ABCB11: variants seen among roughly 807,000 people sequenced by gnomAD.
ABCB11 encodes ATP binding cassette subfamily B member 11.
In ABCB11, 95 loss-of-function variants were observed where a neutral mutation model predicts 148.0. That is an observed-to-expected ratio of 0.64 (90% CI 0.54 to 0.76). The LOEUF (loss-of-function observed/expected upper bound fraction) is 0.76. Ranked by LOEUF, ABCB11 falls within the 30% of genes least tolerant of loss-of-function variation. ABCB11 has a pLI of 0.00. For missense variants in ABCB11, 1,523 were observed against 1,617.8 expected, an observed-to-expected ratio of 0.94 and a Z score of 1.01; for synonymous variants, 591 against 555.4, an observed-to-expected ratio of 1.06 and a Z score of -0.90.
At chr2:168,933,703 A>G (rs1691687229) in intron 23 of ABCB11, among the ~76,000 whole-genome samples, 2 of 152,162 alleles carry the variant, frequency 1.3e-5, no homozygotes, top group South Asian at 4.1e-4. Flanking sequence ...TGACGTTCCA[A>G]TTTTTAAAGT....
intron 19 of ABCB11, among the ~76,000 whole-genome samples, chr2:168,956,069 G>A (rs902288221): frequency 6.6e-6 from 1 of 151,748 alleles, no homozygotes; most frequent in African/African-American, 2.4e-5. Flanking sequence ...GGCTGAGGAG[G>A]TCTCAGGAAA....
chr2:168,990,396 C>T (rs562417582), intron 9 of ABCB11, among the ~76,000 whole-genome samples: 9 of 152,066 alleles, frequency 5.9e-5, no homozygotes, highest in African/African-American at 1.7e-4. Context: ...AATTTGTTGG[C>T]GTTTGTTTTT....
At chr2:168,998,728 C>A (rs1457254339) in intron 5 of ABCB11, among the ~76,000 whole-genome samples, 1 of 152,094 alleles carries the variant, frequency 6.6e-6, no homozygotes, top group Non-Finnish European at 1.5e-5. Context: ...ACTGGCCCAG[C>A]TCTGGGATTT....
intron 11 of ABCB11, among the ~76,000 whole-genome samples, chr2:168,977,952 A>G (rs961817219): frequency 6.6e-6 from 1 of 152,116 alleles, no homozygotes; most frequent in Non-Finnish European, 1.5e-5. Flanking sequence ...GCCAAACCAT[A>G]TCAATCACTT....
chr2:169,005,111 TG>T (rs1478927207), intron 5 of ABCB11, among the ~76,000 whole-genome samples: 1 of 151,926 alleles, frequency 6.6e-6, no homozygotes, highest in Non-Finnish European at 1.5e-5. Context: ...TTTAGTGTGT[TG>T]GTTTTATGTT....
intron 25 of ABCB11, among the ~76,000 whole-genome samples, chr2:168,929,417 C>A (rs991784160): frequency 2.0e-5 from 3 of 151,966 alleles, no homozygotes; most frequent in Admixed American, 2.0e-4. Context: ...AAAAAAGAAA[C>A]CTTTCAGAAA....
chr2:168,964,347 GC>G, intron 17 of ABCB11, 39 bp from the exon 18 acceptor site: 1 of 1,484,662 alleles, frequency 6.7e-7, no homozygotes, highest in Non-Finnish European at 9.2e-7. Flanking sequence ...GTAGACTGTG[GC>G]CAGATTGGAG....
intron 17 of ABCB11, among the ~76,000 whole-genome samples, chr2:168,965,944 G>A (rs1693297277): frequency 2.6e-5 from 4 of 151,824 alleles, no homozygotes; most frequent in Admixed American, 2.0e-4. Flanking sequence ...ACACCATGCA[G>A]TTTCCTCAAG....
chr2:169,016,417 T>C (rs1199040924), intron 3 of ABCB11, among the ~76,000 whole-genome samples: 1 of 152,166 alleles, frequency 6.6e-6, no homozygotes, highest in African/African-American at 2.4e-5. Flanking sequence ...AACAGAAATA[T>C]GCAATAATGA....
At chr2:168,936,623 C>T (rs1454312223) in intron 21 of ABCB11, among the ~76,000 whole-genome samples, 190 bp from the exon 22 acceptor site, 1 of 152,084 alleles carries the variant, frequency 6.6e-6, no homozygotes, top group Admixed American at 6.6e-5. Context: ...CACATCTATA[C>T]CTAAAGCTTT....
rs150182550 is a variant in ABCB11 at position 168,999,983 on chromosome 2, T to A, written c.390-3261A>T. Among the ~76,000 whole-genome samples, 605 of 152,210 alleles carry A rather than the reference T, an allele frequency of 4.0e-3. 2 individuals are homozygous for A. The highest frequency in any genetic ancestry group is 0.014 in the African/African-American group (572 of 41,560). ...CAATTCTTCCACATCTTCATCAACA[T>A]TTAGGGTTATCACTATTTTTAATTT... On this transcript the variant is annotated intron_variant, in intron 5 of 27. Coordinates refer to ENST00000650372, the MANE Select transcript of ABCB11 (RefSeq NM_003742.4).
intron 9 of ABCB11, among the ~76,000 whole-genome samples, chr2:168,990,578 T>C (rs533282574): frequency 1.4e-4 from 22 of 152,218 alleles, no homozygotes; most frequent in African/African-American, 5.3e-4. Context: ...TTTCTAAAAA[T>C]TGCCAACTGC....
At chr2:168,984,561 A>C (rs1012698562) in intron 10 of ABCB11, among the ~76,000 whole-genome samples, 3 of 152,182 alleles carry the variant, frequency 2.0e-5, no homozygotes, top group African/African-American at 7.2e-5. Context: ...TTAGTAACTC[A>C]TTATGTTTCA....
intron 19 of ABCB11, among the ~76,000 whole-genome samples, chr2:168,955,842 A>C (rs1291589105): frequency 6.6e-6 from 1 of 151,672 alleles, no homozygotes; most frequent in East Asian, 2.0e-4. Flanking sequence ...ATGGGGGTAC[A>C]AGCATTGGGT....
intron 5 of ABCB11, among the ~76,000 whole-genome samples, chr2:169,012,161 AG>A: frequency 6.6e-6 from 1 of 152,192 alleles, no homozygotes; most frequent in Non-Finnish European, 1.5e-5. Flanking sequence ...TCAAAAATGA[AG>A]GTGAAAACTA....
chr2:168,931,999 TTTTA>T (rs756788992), intron 24 of ABCB11, among the ~76,000 whole-genome samples: 5 of 152,036 alleles, frequency 3.3e-5, no homozygotes, highest in Admixed American at 2.0e-4. Flanking sequence ...TACTTACACA[TTTTA>T]TTTATTTATT....
chr2:168,967,523 T>G (rs960335193), intron 17 of ABCB11, among the ~76,000 whole-genome samples: 1 of 151,968 alleles, frequency 6.6e-6, no homozygotes, highest in Non-Finnish European at 1.5e-5. Context: ...GTTAGCTGAA[T>G]GTTTTAAGGC....
intron 10 of ABCB11, among the ~76,000 whole-genome samples, chr2:168,983,461 T>C (rs1694202356): frequency 6.6e-6 from 1 of 152,192 alleles, no homozygotes; most frequent in Non-Finnish European, 1.5e-5. Flanking sequence ...ATTATAAAAT[T>C]GGTAACACTT....
intron 2 of ABCB11, among the ~76,000 whole-genome samples, 154 bp from the exon 3 acceptor site, chr2:169,016,953 G>C (rs1695377303): frequency 6.9e-6 from 1 of 145,862 alleles, no homozygotes; most frequent in Non-Finnish European, 1.5e-5. Context: ...CTTTCTTCCT[G>C]CTCATATTGT....
Sources: allele counts gnomAD v4.1 joint callset (sites outside exome capture counted in the v4.1 genomes callset), GRCh38; gene constraint gnomAD v4.1.1; transcripts MANE v1.5; gene names NCBI Gene and HGNC (gene_info 2026-07-23, HGNC 2026-07-21).